The following MACROD2 variants were observed in gnomAD, a reference collection of about 807,000 sequenced individuals.
MACROD2 encodes the protein ADP-ribose glycohydrolase MACROD2.
In MACROD2, 36 loss-of-function variants were observed where a neutral mutation model predicts 70.4. The observed-to-expected ratio is 0.51, with a 90% CI of 0.39 to 0.68. The LOEUF is 0.68. Among genes scored for constraint, MACROD2 ranks in the 30% least tolerant of loss-of-function variants. The probability of loss-of-function intolerance (pLI) is 0.00; values close to 1 mark genes in which losing one functional copy is unlikely to be tolerated. For missense variants in MACROD2, 496 were observed against 538.4 expected (o/e 0.92, Z 0.78); for synonymous variants, 172 against 178.8 (o/e 0.96, Z 0.30).
intron 8 of MACROD2, among the ~76,000 whole-genome samples, chr20:15,655,316 CTTTTT>C (rs10595680): frequency 2.1e-5 from 3 of 140,036 alleles, no homozygotes; most frequent in South Asian, 2.2e-4. Flanking sequence ...TAGAGTTCCA[CTTTTT>C]TTTTTTTTTT....
chr20:15,309,956 G>A (rs2077735199), intron 6 of MACROD2, among the ~76,000 whole-genome samples: 1 of 152,148 alleles, frequency 6.6e-6, no homozygotes, highest in Admixed American at 6.5e-5. Flanking sequence ...AATGCCATTT[G>A]GAGACTACTC....
intron 5 of MACROD2, among the ~76,000 whole-genome samples, chr20:15,199,830 C>T (rs2076640090): frequency 6.6e-6 from 1 of 152,094 alleles, no homozygotes; most frequent in Non-Finnish European, 1.5e-5. Context: ...AAAAAGTAGC[C>T]ACAACCCTTT....
chr20:15,551,544 G>T (rs562828320), intron 8 of MACROD2, among the ~76,000 whole-genome samples: 1 of 151,962 alleles, frequency 6.6e-6, no homozygotes, highest in Non-Finnish European at 1.5e-5. Flanking sequence ...TTACAGATGC[G>T]TGCCTTACAT....
chr20:14,948,407 C>G (rs2074449934), intron 5 of MACROD2, among the ~76,000 whole-genome samples: 1 of 152,180 alleles, frequency 6.6e-6, no homozygotes, highest in African/African-American at 2.4e-5. Flanking sequence ...CTTATTTTGG[C>G]TTTAACAGTG....
chr20:14,789,460 A>T lies in MACROD2; in HGVS notation c.418+104501A>T, dbSNP rs958738797. Among the ~76,000 whole-genome samples, 71 of 48,378 alleles carry T rather than the reference A, an allele frequency of 1.5e-3. 2 individuals carry two copies. Among genetic ancestry groups the T allele is most frequent in the East Asian group, 0.012 (18 of 1,480 alleles). 31.7% of individuals were successfully genotyped at this position (48,378 alleles called of 152,430 possible). A position where few individuals can be genotyped will look rare whatever the true frequency, so the allele number is the denominator to read the frequency against. Reference sequence around the variant, plus strand: ...CTTGTGGATTAATCAGGTAGTGCAAATTTTTTTTTTTTTTTTTTTTTTTTT... The same window carrying T: ...CTTGTGGATTAATCAGGTAGTGCAATTTTTTTTTTTTTTTTTTTTTTTTTT... On this transcript the variant is annotated intron_variant, in intron 5 of 17. Transcript: ENST00000684519.
chr20:14,207,882 A>C (rs1054866741), intron 3 of MACROD2, among the ~76,000 whole-genome samples: 2 of 152,218 alleles, frequency 1.3e-5, no homozygotes, highest in Admixed American at 1.3e-4. Context: ...TGCAAGGTAC[A>C]TGTAGTGAGT....
intron 8 of MACROD2, among the ~76,000 whole-genome samples, chr20:15,732,002 C>T (rs572931961): frequency 3.5e-5 from 4 of 115,722 alleles, no homozygotes; most frequent in East Asian, 4.4e-4. Context: ...GTGATCCACC[C>T]ACCTCGGCCT....
At chr20:15,219,770 T>C (rs1322665796) in intron 5 of MACROD2, among the ~76,000 whole-genome samples, 1 of 152,130 alleles carries the variant, frequency 6.6e-6, no homozygotes, top group African/African-American at 2.4e-5. Flanking sequence ...ATGCTACTTT[T>C]TAAAGAAATG....
chr20:14,981,454 G>GTATA (rs2074799448), intron 5 of MACROD2, among the ~76,000 whole-genome samples: 1 of 61,656 alleles, frequency 1.6e-5, no homozygotes, highest in Non-Finnish European at 3.2e-5. Context: ...ATATATATAT[G>GTATA]TGTGTGTGTG....
chr20:15,111,402 C>T (rs2075954498), intron 5 of MACROD2, among the ~76,000 whole-genome samples: 1 of 152,030 alleles, frequency 6.6e-6, no homozygotes, highest in African/African-American at 2.4e-5. Flanking sequence ...GATCTCTTGA[C>T]CTCATGATCC....
At chr20:14,516,776 T>G (rs1335545587) in intron 4 of MACROD2, among the ~76,000 whole-genome samples, 1 of 152,050 alleles carries the variant, frequency 6.6e-6, no homozygotes, top group African/African-American at 2.4e-5. Flanking sequence ...GGGAGAAAAT[T>G]TTTGAAATCT....
At chr20:14,188,047 T>C (rs1601327551) in intron 3 of MACROD2, among the ~76,000 whole-genome samples, 2 of 136,376 alleles carry the variant, frequency 1.5e-5, no homozygotes, top group East Asian at 3.9e-4. Context: ...TAGAATATGA[T>C]TGAAAGGTAG....
intron 7 of MACROD2, among the ~76,000 whole-genome samples, chr20:15,495,605 A>G (rs1359537422): frequency 7.2e-5 from 11 of 152,168 alleles, no homozygotes; most frequent in African/African-American, 2.7e-4. Context: ...AAAGATCCAC[A>G]AGTCTGTAAT....
At chr20:14,968,893 C>A (rs137978616) in intron 5 of MACROD2, among the ~76,000 whole-genome samples, 41 of 152,082 alleles carry the variant, frequency 2.7e-4, no homozygotes, top group African/African-American at 9.9e-4. Flanking sequence ...TTTGTTTTCA[C>A]GCACAATACT....
At chr20:15,206,752 C>A (rs1265028968) in intron 5 of MACROD2, among the ~76,000 whole-genome samples, 8 of 20,232 alleles carry the variant, frequency 4.0e-4, no homozygotes, top group African/African-American at 2.3e-3. Context: ...TTTTTTGAGA[C>A]GGAGTCTCGC....
chr20:14,166,402 T>G (rs2055271016), intron 3 of MACROD2, among the ~76,000 whole-genome samples: 1 of 152,078 alleles, frequency 6.6e-6, no homozygotes, highest in Non-Finnish European at 1.5e-5. Context: ...AAGTGGGTTC[T>G]CAAATTTTCA....
chr20:15,385,011 G>A (rs939260084), intron 6 of MACROD2, among the ~76,000 whole-genome samples: 1 of 152,134 alleles, frequency 6.6e-6, no homozygotes, highest in African/African-American at 2.4e-5. Flanking sequence ...AAGTACAGAG[G>A]AGACAAATAA....
chr20:15,303,432 G>C (rs1406515490), intron 6 of MACROD2, among the ~76,000 whole-genome samples: 1 of 152,242 alleles, frequency 6.6e-6, no homozygotes, highest in East Asian at 1.9e-4. Flanking sequence ...AGATCATAAA[G>C]TCATCATGCC....
intron 7 of MACROD2, among the ~76,000 whole-genome samples, chr20:15,441,561 A>G (rs2046494970): frequency 6.6e-6 from 1 of 152,192 alleles, no homozygotes; most frequent in African/African-American, 2.4e-5. Flanking sequence ...TATGCAATAT[A>G]TGCATGGAAG....
Sources: gnomAD v4.1 joint callset for allele counts (sites outside exome capture counted in the v4.1 genomes callset) on GRCh38, gnomAD v4.1.1 for gene constraint, MANE v1.5 for transcripts, NCBI Gene and HGNC (gene_info 2026-07-23, HGNC 2026-07-21) for gene names.